The following KCNH8 variants were observed in gnomAD, a reference collection of about 807,000 sequenced individuals.
KCNH8 encodes the protein potassium voltage-gated channel subfamily H member 8.
Under a neutral mutation model 103.6 loss-of-function variants are expected in KCNH8, and 70 were observed. The ratio of observed to expected loss-of-function variants is 0.68; its 90% CI spans 0.56 to 0.82. The LOEUF is 0.82. KCNH8 is among the 40% of genes least tolerant of loss of function. KCNH8 has a pLI of 0.00. For synonymous variants in KCNH8, 498 were observed against 489.4 expected, an observed-to-expected ratio of 1.02 and a Z score of -0.23; for missense variants, 1,217 against 1,329.9, an observed-to-expected ratio of 0.92 and a Z score of 1.32.
At chr3:19,512,765 TAG>T (rs1325548808) in intron 12 of KCNH8, among the ~76,000 whole-genome samples, 4 of 152,142 alleles carry the variant, frequency 2.6e-5, no homozygotes, top group African/African-American at 9.6e-5. Flanking sequence ...CAAGAAAGCA[TAG>T]AGAGTAAACC....
chr3:19,384,792 C>G (rs111514609), intron 5 of KCNH8, among the ~76,000 whole-genome samples: 28 of 152,236 alleles, frequency 1.8e-4, no homozygotes, highest in African/African-American at 6.3e-4. Flanking sequence ...TTCCAAGTAC[C>G]TTACAAGAGC....
intron 7 of KCNH8, among the ~76,000 whole-genome samples, chr3:19,422,076 T>C (rs552164437): frequency 1.3e-5 from 2 of 152,178 alleles, no homozygotes; most frequent in East Asian, 3.9e-4. Flanking sequence ...GGAGGTCAAA[T>C]GGCATTGCAA....
At chr3:19,371,305 A>C (rs1158224818) in intron 5 of KCNH8, among the ~76,000 whole-genome samples, 104 of 151,784 alleles carry the variant, frequency 6.9e-4, no homozygotes, top group African/African-American at 2.3e-3. Flanking sequence ...TGCCATTCTA[A>C]CTGGTGTGAG....
intron 5 of KCNH8, among the ~76,000 whole-genome samples, chr3:19,371,965 A>G (rs1250629487): frequency 5.3e-5 from 8 of 150,910 alleles, no homozygotes; most frequent in Admixed American, 3.3e-4. Flanking sequence ...TGTTCCATTG[A>G]TCTATATCTC....
At chr3:19,333,798 T>G (rs1220204013) in intron 3 of KCNH8, among the ~76,000 whole-genome samples, 1 of 152,208 alleles carries the variant, frequency 6.6e-6, no homozygotes, top group Non-Finnish European at 1.5e-5. Context: ...TCCAGAAGGA[T>G]TCTTCAGTTC....
At chr3:19,411,776 G>GAC (rs148081857) in intron 7 of KCNH8, among the ~76,000 whole-genome samples, 4,006 of 146,224 alleles carry the variant, frequency 0.027, 79 homozygotes, top group African/African-American at 0.048. Flanking sequence ...CACACACACA[G>GAC]ACACACACAC....
chr3:19,240,322 C>A (rs962930141), intron 1 of KCNH8, among the ~76,000 whole-genome samples: 1 of 152,078 alleles, frequency 6.6e-6, no homozygotes, highest in Non-Finnish European at 1.5e-5. Flanking sequence ...CCTTAAACTT[C>A]AGAAATTAGG....
chr3:19,483,257 G>A (rs1008262770), intron 11 of KCNH8, among the ~76,000 whole-genome samples: 1 of 152,142 alleles, frequency 6.6e-6, no homozygotes, highest in African/African-American at 2.4e-5. Context: ...TGGGACTCCA[G>A]GTAGGTCCAC....
intron 6 of KCNH8, among the ~76,000 whole-genome samples, chr3:19,391,022 G>A (rs564552008): frequency 6.6e-6 from 1 of 151,848 alleles, no homozygotes; most frequent in Non-Finnish European, 1.5e-5. Context: ...TTTTCTGCTT[G>A]TATGACCCTT....
At chr3:19,187,761 A>T (rs913811108) in intron 1 of KCNH8, among the ~76,000 whole-genome samples, 5 of 152,094 alleles carry the variant, frequency 3.3e-5, no homozygotes, top group Admixed American at 6.6e-5. Context: ...TCATTTTATT[A>T]AATATGTTTT....
At chr3:19,306,785 A>C (rs928752606) in intron 3 of KCNH8, among the ~76,000 whole-genome samples, 3 of 152,074 alleles carry the variant, frequency 2.0e-5, no homozygotes, top group African/African-American at 7.2e-5. Context: ...CCTTTCACCT[A>C]TCAGGAAATG....
intron 11 of KCNH8, among the ~76,000 whole-genome samples, chr3:19,481,118 A>T (rs981147748): frequency 1.3e-5 from 2 of 152,198 alleles, no homozygotes; most frequent in Admixed American, 1.3e-4. Flanking sequence ...CTAAGGTCTC[A>T]GTAGGCTAGC....
At chr3:19,491,654 G>A (rs2068324523) in intron 11 of KCNH8, among the ~76,000 whole-genome samples, 1 of 152,202 alleles carries the variant, frequency 6.6e-6, no homozygotes. Flanking sequence ...GAACATATGA[G>A]TGAGCATTTC....
At chr3:19,154,526 A>G (rs1160271089) in intron 1 of KCNH8, among the ~76,000 whole-genome samples, 1 of 152,250 alleles carries the variant, frequency 6.6e-6, no homozygotes, top group African/African-American at 2.4e-5. Context: ...ACACTACAGT[A>G]GATGCCAACT....
At chr3:19,257,777 T>C (rs1210776972) in intron 2 of KCNH8, among the ~76,000 whole-genome samples, 1 of 152,114 alleles carries the variant, frequency 6.6e-6, no homozygotes, top group Non-Finnish European at 1.5e-5. Context: ...CATTATAAAG[T>C]ACCACAAACT....
chr3:19,415,033 T>A (rs1288693844), intron 7 of KCNH8, among the ~76,000 whole-genome samples: 1 of 152,038 alleles, frequency 6.6e-6, no homozygotes, highest in African/African-American at 2.4e-5. Context: ...TCTACTATTA[T>A]AAACTTGGTG....
chr3:19,354,828 C>T (rs1171741713), intron 5 of KCNH8, among the ~76,000 whole-genome samples: 1 of 152,128 alleles, frequency 6.6e-6, no homozygotes, highest in Non-Finnish European at 1.5e-5. Context: ...TGTGCAAGGA[C>T]TTCATGTCTA....
rs1326284710 is a variant in KCNH8 at position 19,419,188 on chromosome 3, GGTTTTGGT to G, written c.1178-18975_1178-18968del. 1.4e-4 allele frequency among the ~76,000 whole-genome samples: 11 copies of G among 75,878 alleles called. 3 individuals are homozygous for G. The highest frequency in any genetic ancestry group is 5.1e-4 in the African/African-American group (11 of 21,536). 49.8% of individuals were successfully genotyped at this position (75,878 alleles called of 152,430 possible). On this transcript the variant is annotated intron_variant, in intron 7 of 15. Coordinates refer to ENST00000328405, the MANE Select transcript of KCNH8 (RefSeq NM_144633.3). Reference sequence around the variant, plus strand: ...AGTCACAAAAAGAAGTAATTAAAATGGTTTTGGTTTTTTTTTTTTTTTTTTTTTTGAGA... The same window carrying G: ...AGTCACAAAAAGAAGTAATTAAAATGTTTTTTTTTTTTTTTTTTTTTGAGA...
intron 11 of KCNH8, among the ~76,000 whole-genome samples, chr3:19,493,738 G>A (rs2068375658): frequency 6.6e-6 from 1 of 151,448 alleles, no homozygotes; most frequent in South Asian, 2.1e-4. Context: ...CTTTATTATT[G>A]ATGAGTCTTA....
Sources: gnomAD v4.1 joint callset for allele counts (sites outside exome capture counted in the v4.1 genomes callset) on GRCh38, gnomAD v4.1.1 for gene constraint, MANE v1.5 for transcripts, NCBI Gene and HGNC (gene_info 2026-07-23, HGNC 2026-07-21) for gene names.